The following STARD3 variants were observed in gnomAD, a reference collection of about 807,000 sequenced individuals.
STARD3 encodes StAR related lipid transfer domain containing 3.
STARD3 carries 39 observed loss-of-function variants against 62.0 expected under a neutral mutation model. The observed-to-expected ratio is 0.63, with a 90% CI of 0.49 to 0.82. The LOEUF (loss-of-function observed/expected upper bound fraction) is 0.82. Among genes scored for constraint, STARD3 ranks in the 40% least tolerant of loss-of-function variants. The probability of loss-of-function intolerance (pLI) is 0.00; values close to 1 mark genes in which losing one functional copy is unlikely to be tolerated. For missense variants in STARD3, 543 were observed against 584.5 expected (o/e 0.93, Z 0.73); for synonymous variants, 229 against 242.4 (o/e 0.94, Z 0.51).
At chr17:39,649,448 CA>C (rs1424408065) in intron 1 of STARD3, among the ~76,000 whole-genome samples, 1 of 152,132 alleles carries the variant, frequency 6.6e-6, no homozygotes, top group South Asian at 2.1e-4. Context: ...GCATCTCTAT[CA>C]AAGAACGAGA....
At chr17:39,643,949 G>A (rs913925485) in intron 1 of STARD3, among the ~76,000 whole-genome samples, 1 of 152,252 alleles carries the variant, frequency 6.6e-6, no homozygotes, top group African/African-American at 2.4e-5. Context: ...GCATGGTGAG[G>A]TTAAGTGACC....
intron 1 of STARD3, among the ~76,000 whole-genome samples, chr17:39,640,808 C>A (rs1397234738): frequency 6.6e-6 from 1 of 150,692 alleles, no homozygotes; most frequent in Admixed American, 6.6e-5. Flanking sequence ...ACCCGCAGAG[C>A]CTCCCCGGCT....
At chr17:39,656,014 T>C (rs1220657209) in intron 2 of STARD3, among the ~76,000 whole-genome samples, 1 of 814 alleles carries the variant, frequency 1.2e-3, no homozygotes, top group Non-Finnish European at 2.3e-3. Context: ...TTGGGTGGGA[T>C]GGGGTGGGTG....
chr17:39,658,586 C>A, intron 6 of STARD3, 64 bp downstream of exon 6: 1 of 1,568,384 alleles, frequency 6.4e-7, no homozygotes, highest in Non-Finnish European at 8.8e-7. Flanking sequence ...AGGGGAGTTG[C>A]GGGCATGAGA....
At chr17:39,654,668 G>A (rs1479723631) in intron 2 of STARD3, among the ~76,000 whole-genome samples, 6 of 152,156 alleles carry the variant, frequency 3.9e-5, no homozygotes, top group African/African-American at 7.2e-5. Context: ...GCTCCTCCTC[G>A]GCTTTGGCCC....
intron 1 of STARD3, among the ~76,000 whole-genome samples, chr17:39,641,900 G>A (rs2056985792): frequency 6.6e-6 from 1 of 152,176 alleles, no homozygotes; most frequent in South Asian, 2.1e-4. Flanking sequence ...GCCAGGCACT[G>A]TGACTGTGAC....
intron 13 of STARD3, 136 bp downstream of exon 13, chr17:39,661,221 G>C (rs1317359361): frequency 4.2e-6 from 3 of 715,246 alleles, no homozygotes; most frequent in African/African-American, 1.8e-5. Context: ...GCTGGGCTCT[G>C]CTCCTCCTGG....
chr17:39,642,301 G>A (rs73308326), intron 1 of STARD3, among the ~76,000 whole-genome samples: 3,822 of 152,314 alleles, frequency 0.025, 103 homozygotes, highest in African/African-American at 0.065. Flanking sequence ...TCAGGCTCAG[G>A]GAGGGGAGCA....
At chr17:39,637,337 T>G (rs2056939791) in intron 1 of STARD3, 106 bp downstream of exon 1, 1 of 152,290 alleles carries the variant, frequency 6.6e-6, no homozygotes, top group African/African-American at 2.4e-5. Flanking sequence ...CGTCCGACCC[T>G]TCCCACACCC....
chr17:39,659,612 T>C, intron 9 of STARD3, 59 bp downstream of exon 9: 1 of 1,567,624 alleles, frequency 6.4e-7, no homozygotes, highest in Non-Finnish European at 8.8e-7. Flanking sequence ...TGTTCTCTTT[T>C]CTGAGGCCTG....
Position 39,653,649 on chromosome 17 carries a change from C to A in STARD3, c.118C>A (p.Pro40Thr). 1 of 1,614,126 alleles carries A rather than the reference C, an allele frequency of 6.2e-7. No individual in the cohort carries two copies. Among genetic ancestry groups the A allele is most frequent in the Non-Finnish European group, 8.5e-7 (1 of 1,180,040 alleles). Reference protein sequence around the residue: ...QSLSSHLLPPPEKRRAISDVR... With the variant: ...QSLSSHLLPPTEKRRAISDVR... ...CCTCTCCTCGCACCTCCTTCCGCCG[C>A]CTGAGAAGCGAAGGGCCATCTCTGA... Residue 40 changes from proline to threonine, a missense_variant, in exon 2 of 15, where the codon CCT becomes ACT. Physicochemically the swap from Pro to Thr is conservative, Grantham distance 38 (BLOSUM62 -1). Coordinates refer to ENST00000336308, the MANE Select transcript of STARD3 (RefSeq NM_006804.4).
chr17:39,639,480 A>T (rs2056964257), intron 1 of STARD3, among the ~76,000 whole-genome samples: 2 of 152,190 alleles, frequency 1.3e-5, no homozygotes, highest in Non-Finnish European at 2.9e-5. Flanking sequence ...CTATAAAGCG[A>T]TGGGAGGATT....
At chr17:39,653,846 G>T in intron 2 of STARD3, 96 bp downstream of exon 2, 1 of 1,439,890 alleles carries the variant, frequency 6.9e-7, no homozygotes, top group Admixed American at 1.9e-5. Flanking sequence ...TCTCCCCTGG[G>T]GTTGGTTAGC....
intron 2 of STARD3, among the ~76,000 whole-genome samples, chr17:39,656,113 T>C (rs1370393016): frequency 6.6e-6 from 1 of 152,100 alleles, no homozygotes; most frequent in East Asian, 1.9e-4. Flanking sequence ...AAGAGGCACA[T>C]GGTGGGGCTG....
At chr17:39,659,704 G>T (rs2057173640) in intron 9 of STARD3, 151 bp downstream of exon 9, 2 of 797,336 alleles carry the variant, frequency 2.5e-6, no homozygotes, top group South Asian at 3.6e-5. Context: ...TCGGCAGGAG[G>T]CTGGGCTGGA....
At position 39,657,763 on chromosome 17, in the gene STARD3, G is replaced by A. The variant is rs201164370; in HGVS notation, c.298-12G>A. 238 of 1,614,072 alleles carry A rather than the reference G, an allele frequency of 1.5e-4. 2 individuals carry two copies. In the African/African-American group the frequency reaches 2.6e-3, roughly 18 times the overall value. ...AGCTTCCTGTGACTGCCTTGCTCCC[G>A]TCCCCCACCAGGTCCTGGCCTTCTT... On this transcript the variant is annotated splice_polypyrimidine_tract_variant and intron_variant, in intron 3 of 14. Transcript: ENST00000336308.
rs1020761623 is a variant in STARD3, at chr17:39,654,855, C to T, written c.219+1105C>T. 3.3e-5 allele frequency among the ~76,000 whole-genome samples: 5 copies of T among 152,200 alleles called. No homozygotes were observed. The East Asian group carries it at 5.8e-4, about 18-fold the overall frequency. ...ATGAGCTCAGAGAAGGGGCCAGCTC[C>T]GGGCAAAGAGATTAAGTTTGATTCT... On this transcript the variant is annotated intron_variant, in intron 2 of 14. Transcript: ENST00000336308.
At chr17:39,647,216 A>C (rs1265120129) in intron 1 of STARD3, among the ~76,000 whole-genome samples, 5 of 151,384 alleles carry the variant, frequency 3.3e-5, no homozygotes, top group Non-Finnish European at 5.9e-5. Flanking sequence ...TAAAAAAAAA[A>C]AAACCCTCCA....
chr17:39,647,829 A>G (rs1172132258), intron 1 of STARD3, among the ~76,000 whole-genome samples: 3 of 152,068 alleles, frequency 2.0e-5, no homozygotes, highest in Non-Finnish European at 2.9e-5. Flanking sequence ...ACTCTTTTAA[A>G]TGTTTCTCTT....
Sources: allele counts gnomAD v4.1 joint callset (sites outside exome capture counted in the v4.1 genomes callset), GRCh38; gene constraint gnomAD v4.1.1; transcripts MANE v1.5; gene names NCBI Gene and HGNC (gene_info 2026-07-23, HGNC 2026-07-21).